The following THSD4 variants were observed in gnomAD, a reference collection of about 807,000 sequenced individuals.
THSD4 encodes the protein thrombospondin type 1 domain containing 4.
THSD4 carries 69 observed loss-of-function variants against 119.0 expected under a neutral mutation model. The ratio of observed to expected loss-of-function variants is 0.58; its 90% CI spans 0.48 to 0.71. The LOEUF is 0.71. Among genes scored for constraint, THSD4 ranks in the 30% least tolerant of loss-of-function variants. The pLI is 0.00. For synonymous variants in THSD4, 524 were observed against 540.4 expected, an observed-to-expected ratio of 0.97 and a Z score of 0.42; for missense variants, 1,393 against 1,391.1, an observed-to-expected ratio of 1.00 and a Z score of -0.02.
In THSD4 at chr15:71,570,473, C is replaced by G. The variant is rs148207197; in HGVS notation, c.1153-90057C>G. 1.8e-3 allele frequency among the ~76,000 whole-genome samples: 280 copies of G among 151,464 alleles called. 1 individual carries two copies. The highest frequency in any genetic ancestry group is 6.6e-3 in the African/African-American group (271 of 41,222). Reference sequence around the variant, plus strand: ...CCAGGCTAAAGTACAGTGGCGCCATCTAGGCTCACTGCAACCTCTGCCTCC... The same window carrying G: ...CCAGGCTAAAGTACAGTGGCGCCATGTAGGCTCACTGCAACCTCTGCCTCC... On this transcript the variant is annotated intron_variant, in intron 7 of 17. Coordinates refer to ENST00000261862, the MANE Select transcript of THSD4 (RefSeq NM_024817.3).
At chr15:71,422,747 C>G (rs987574423) in intron 7 of THSD4, among the ~76,000 whole-genome samples, 2 of 152,196 alleles carry the variant, frequency 1.3e-5, no homozygotes. Flanking sequence ...GTGGCAAAGC[C>G]AGCCAGGCTT....
chr15:71,153,146 G>C (rs1421883491), intron 2 of THSD4, among the ~76,000 whole-genome samples: 1 of 152,120 alleles, frequency 6.6e-6, no homozygotes, highest in Non-Finnish European at 1.5e-5. Flanking sequence ...CAGATACCAG[G>C]GCATCCGGAT....
chr15:71,125,695 G>A (rs1025359181), intron 1 of THSD4, among the ~76,000 whole-genome samples: 1 of 152,196 alleles, frequency 6.6e-6, no homozygotes, highest in African/African-American at 2.4e-5. Context: ...AGTCAGGAGG[G>A]GGGCGCCAGG....
intron 6 of THSD4, among the ~76,000 whole-genome samples, chr15:71,361,153 T>A (rs2045887714): frequency 6.6e-6 from 1 of 152,130 alleles, no homozygotes; most frequent in Admixed American, 6.5e-5. Flanking sequence ...TACTGAGGGA[T>A]CTGGACTTGA....
At chr15:71,427,565 A>C (rs1188001350) in intron 7 of THSD4, among the ~76,000 whole-genome samples, 1 of 148,966 alleles carries the variant, frequency 6.7e-6, no homozygotes, top group Non-Finnish European at 1.5e-5. Flanking sequence ...CAGACCTTGG[A>C]GATTGGAGAA....
intron 7 of THSD4, among the ~76,000 whole-genome samples, chr15:71,619,682 A>G (rs567216485): frequency 6.6e-6 from 1 of 152,142 alleles, no homozygotes. Flanking sequence ...CTCTCCGTGC[A>G]TTATATTCAA....
intron 8 of THSD4, 108 bp from the exon 9 acceptor site, chr15:71,728,441 C>A: frequency 7.5e-7 from 1 of 1,332,000 alleles, no homozygotes; most frequent in South Asian, 1.3e-5. Flanking sequence ...CATAGTGGAT[C>A]CTGTCAAAAA....
chr15:71,532,531 G>A (rs1300697259), intron 7 of THSD4, among the ~76,000 whole-genome samples: 1 of 151,634 alleles, frequency 6.6e-6, no homozygotes, highest in Non-Finnish European at 1.5e-5. Context: ...TGGCCAGGAT[G>A]GTCTCAATCT....
At chr15:71,507,924 T>G (rs1050008156) in intron 7 of THSD4, among the ~76,000 whole-genome samples, 1 of 152,202 alleles carries the variant, frequency 6.6e-6, no homozygotes, top group Non-Finnish European at 1.5e-5. Context: ...TAATAACTTT[T>G]GTTGGGTTTT....
chr15:71,428,783 T>C (rs1397167744), intron 7 of THSD4, among the ~76,000 whole-genome samples: 2 of 152,168 alleles, frequency 1.3e-5, no homozygotes, highest in Non-Finnish European at 2.9e-5. Context: ...AAATAACCAG[T>C]GGTTGATAAT....
chr15:71,140,244 A>G (rs903028771), intron 1 of THSD4, among the ~76,000 whole-genome samples: 1 of 152,196 alleles, frequency 6.6e-6, no homozygotes, highest in Non-Finnish European at 1.5e-5. Flanking sequence ...TACAAGAAGC[A>G]TGGTGCTGGC....
chr15:71,536,189 A>G (rs900845911), intron 7 of THSD4, among the ~76,000 whole-genome samples: 15 of 152,208 alleles, frequency 9.9e-5, no homozygotes, highest in Admixed American at 2.6e-4. Flanking sequence ...GTCTCACTAG[A>G]CTGCCATCAA....
At chr15:71,632,543 G>A (rs1194633707) in intron 7 of THSD4, among the ~76,000 whole-genome samples, 1 of 152,274 alleles carries the variant, frequency 6.6e-6, no homozygotes, top group African/African-American at 2.4e-5. Context: ...CCCATGACCA[G>A]AGAGTGTTGA....
chr15:71,750,181 C>T (rs537604874), intron 14 of THSD4, among the ~76,000 whole-genome samples: 19 of 152,294 alleles, frequency 1.2e-4, no homozygotes, highest in Admixed American at 4.6e-4. Context: ...CCCACCCCGT[C>T]CCCACTCCCA....
chr15:71,198,706 T>A (rs1296172139), intron 3 of THSD4, among the ~76,000 whole-genome samples: 1 of 152,182 alleles, frequency 6.6e-6, no homozygotes, highest in Non-Finnish European at 1.5e-5. Context: ...ATCCCTGGCA[T>A]TCAGGAACCC....
intron 4 of THSD4, among the ~76,000 whole-genome samples, chr15:71,233,686 A>G (rs1056442798): frequency 2.0e-5 from 3 of 152,192 alleles, no homozygotes; most frequent in Admixed American, 1.3e-4. Context: ...GTTTAAGGAT[A>G]CTTAGATTGT....
intron 3 of THSD4, among the ~76,000 whole-genome samples, chr15:71,199,626 TG>T (rs1447162111): frequency 3.4e-4 from 24 of 70,126 alleles, no homozygotes; most frequent in African/African-American, 1.5e-3. Context: ...TGTGGGTGTG[TG>T]GTGTGTGTGG....
intron 7 of THSD4, among the ~76,000 whole-genome samples, chr15:71,621,275 C>T (rs2050414308): frequency 6.6e-6 from 1 of 152,084 alleles, no homozygotes; most frequent in South Asian, 2.1e-4. Flanking sequence ...AAATTGCTGT[C>T]AAGATATTGA....
Position 71,728,403 on chromosome 15 carries a change from G to T in THSD4, c.1358-146G>T, listed in dbSNP as rs529404170. 4.3e-6 allele frequency: 4 copies of T among 932,330 alleles called. No homozygotes were observed. In the African/African-American group the frequency reaches 5.0e-5, roughly 12 times the overall value. The allele number at this position is 932,330 out of a possible 1,614,324, so 57.8% of individuals were successfully genotyped here. A position where few individuals can be genotyped will look rare whatever the true frequency, so the allele number is the denominator to read the frequency against. ...GGATGTAATCTAGATGCCTAATGGC[G>T]CCCCAGGGCCTGGATCATTGCCTGG... On this transcript the variant is annotated intron_variant, in intron 8 of 17. Coordinates refer to ENST00000261862, the MANE Select transcript of THSD4 (RefSeq NM_024817.3).
Sources: gnomAD v4.1 joint callset for allele counts (sites outside exome capture counted in the v4.1 genomes callset) on GRCh38, gnomAD v4.1.1 for gene constraint, MANE v1.5 for transcripts, NCBI Gene and HGNC (gene_info 2026-07-23, HGNC 2026-07-21) for gene names.